The following PTPRN2 variants were observed in gnomAD, a reference collection of about 807,000 sequenced individuals.
PTPRN2 encodes the protein receptor-type tyrosine-protein phosphatase N2.
Under a neutral mutation model 118.8 loss-of-function variants are expected in PTPRN2, and 74 were observed. The ratio of observed to expected loss-of-function variants is 0.62; its 90% CI spans 0.52 to 0.76. The LOEUF (loss-of-function observed/expected upper bound fraction) is 0.76, where lower values mean the gene tolerates loss of function less well. Among genes scored for constraint, PTPRN2 ranks in the 30% least tolerant of loss-of-function variants. The pLI, the probability that PTPRN2 is intolerant of heterozygous loss-of-function variation, is 0.00. For synonymous variants in PTPRN2, 641 were observed against 608.0 expected, an observed-to-expected ratio of 1.05 and a Z score of -0.80; for missense variants, 1,481 against 1,394.4, an observed-to-expected ratio of 1.06 and a Z score of -0.99.
intron 2 of PTPRN2, among the ~76,000 whole-genome samples, chr7:158,371,680 T>G (rs774187749): frequency 6.6e-6 from 1 of 152,138 alleles, no homozygotes; most frequent in Non-Finnish European, 1.5e-5. Context: ...GAATTTCACT[T>G]CTAGGGGAAT....
chr7:158,261,712 C>A (rs144658564), intron 3 of PTPRN2, among the ~76,000 whole-genome samples: 257 of 152,302 alleles, frequency 1.7e-3, no homozygotes, highest in African/African-American at 5.9e-3. Context: ...GCATGCACAC[C>A]GCCAGGACAC....
chr7:158,225,067 A>C (rs554067022), intron 3 of PTPRN2, among the ~76,000 whole-genome samples: 1 of 152,314 alleles, frequency 6.6e-6, no homozygotes, highest in Non-Finnish European at 1.5e-5. Context: ...GGACAACATC[A>C]AATGCTGGAA....
At chr7:158,581,364 TG>T (rs1458534216) in intron 1 of PTPRN2, among the ~76,000 whole-genome samples, 5 of 152,092 alleles carry the variant, frequency 3.3e-5, no homozygotes, top group Non-Finnish European at 7.4e-5. Context: ...GTTCAAGATT[TG>T]GGGGTACCCA....
intron 12 of PTPRN2, among the ~76,000 whole-genome samples, chr7:157,807,441 A>T (rs1191567352): frequency 6.6e-6 from 1 of 152,200 alleles, no homozygotes; most frequent in Non-Finnish European, 1.5e-5. Context: ...GCCAAGGTTT[A>T]GGACTCCACA....
At chr7:158,316,752 G>A (rs1215466577) in intron 3 of PTPRN2, 67 bp downstream of exon 3, 4 of 1,212,644 alleles carry the variant, frequency 3.3e-6, no homozygotes, top group African/African-American at 1.5e-5. Context: ...CCGCCCAGGA[G>A]GAGAAGCCAA....
At chr7:157,567,189 GA>G (rs1289689734) in intron 21 of PTPRN2, among the ~76,000 whole-genome samples, 1 of 152,208 alleles carries the variant, frequency 6.6e-6, no homozygotes, top group Non-Finnish European at 1.5e-5. Context: ...AGCATTAATG[GA>G]CAAGGAAAAA....
At chr7:158,466,087 G>A (rs1053331831) in intron 2 of PTPRN2, among the ~76,000 whole-genome samples, 8 of 152,320 alleles carry the variant, frequency 5.3e-5, no homozygotes, top group East Asian at 1.9e-4. Context: ...CATTTGAGGC[G>A]TGCAACATGA....
intron 22 of PTPRN2, among the ~76,000 whole-genome samples, chr7:157,542,111 G>A (rs761192250): frequency 1.3e-5 from 2 of 152,190 alleles, no homozygotes; most frequent in African/African-American, 2.4e-5. Flanking sequence ...TCGAAATTAC[G>A]TGGGAGCTGC....
At chr7:157,786,085 G>A (rs543653653) in intron 12 of PTPRN2, among the ~76,000 whole-genome samples, 5 of 152,290 alleles carry the variant, frequency 3.3e-5, no homozygotes, top group East Asian at 3.9e-4. Flanking sequence ...CTCCGAGTGC[G>A]CGCCAAGGGC....
intron 2 of PTPRN2, among the ~76,000 whole-genome samples, chr7:158,460,406 G>T (rs1818897893): frequency 6.8e-6 from 1 of 147,352 alleles, no homozygotes; most frequent in Non-Finnish European, 1.5e-5. Context: ...CATGAGCACA[G>T]GAGGGTCATC....
At chr7:157,802,454 T>C (rs1318072910) in intron 12 of PTPRN2, among the ~76,000 whole-genome samples, 2 of 152,216 alleles carry the variant, frequency 1.3e-5, no homozygotes, top group Admixed American at 6.5e-5. Flanking sequence ...ACTGGGTCTA[T>C]GCACCACGCT....
chr7:158,146,881 G>T (rs901696504), intron 6 of PTPRN2, among the ~76,000 whole-genome samples: 1 of 151,822 alleles, frequency 6.6e-6, no homozygotes, highest in Non-Finnish European at 1.5e-5. Context: ...AGTTTACAGG[G>T]AAAATACACC....
intron 5 of PTPRN2, among the ~76,000 whole-genome samples, chr7:158,173,950 T>G (rs1183327907): frequency 1.3e-5 from 2 of 152,200 alleles, no homozygotes; most frequent in African/African-American, 4.8e-5. Context: ...TTTCATATTG[T>G]TCAAACACAT....
At chr7:158,103,233 T>A (rs983894483) in intron 10 of PTPRN2, among the ~76,000 whole-genome samples, 7 of 152,170 alleles carry the variant, frequency 4.6e-5, no homozygotes, top group African/African-American at 1.7e-4. Context: ...ACTAGGCGCC[T>A]TCCTGGGGGC....
chr7:157,875,284 A>G (rs1795687391), intron 12 of PTPRN2, among the ~76,000 whole-genome samples: 1 of 152,164 alleles, frequency 6.6e-6, no homozygotes, highest in Non-Finnish European at 1.5e-5. Context: ...TTCTTCAAAC[A>G]AGAGAAAGCT....
chr7:157,933,374 T>C (rs1799502399), intron 11 of PTPRN2, among the ~76,000 whole-genome samples: 2 of 149,188 alleles, frequency 1.3e-5, no homozygotes, highest in Non-Finnish European at 3.0e-5. Flanking sequence ...TTGACAGCTT[T>C]AGAGGAAGGG....
chr7:158,142,213 C>T (rs1036453639), intron 6 of PTPRN2, among the ~76,000 whole-genome samples: 4 of 152,220 alleles, frequency 2.6e-5, no homozygotes, highest in African/African-American at 7.2e-5. Context: ...AGCCCACGCC[C>T]GCCTCCGCCT....
At chr7:158,203,283 G>A (rs1297033404) in intron 4 of PTPRN2, among the ~76,000 whole-genome samples, 3 of 145,666 alleles carry the variant, frequency 2.1e-5, no homozygotes, top group Non-Finnish European at 3.0e-5. Context: ...GAAAAAGGAA[G>A]GAAGGAAGGG....
chr7:157,635,209 T>A (rs1283771017), intron 14 of PTPRN2, among the ~76,000 whole-genome samples: 2 of 152,272 alleles, frequency 1.3e-5, no homozygotes, highest in Non-Finnish European at 2.9e-5. Flanking sequence ...TCATGGTGTC[T>A]CTAACGTCTG....
Sources: gnomAD v4.1 joint callset for allele counts (sites outside exome capture counted in the v4.1 genomes callset) on GRCh38, gnomAD v4.1.1 for gene constraint, MANE v1.5 for transcripts, NCBI Gene and HGNC (gene_info 2026-07-23, HGNC 2026-07-21) for gene names.